Variants in CRYL1 observed in about 807,000 individuals in gnomAD.
CRYL1 encodes crystallin lambda 1.
A neutral mutation model predicts 36.6 loss-of-function variants in CRYL1; 29 were observed. The observed-to-expected ratio is 0.79, with a 90% confidence interval of 0.59 to 1.08. The LOEUF is 1.08. Ranked by LOEUF, CRYL1 falls within the 50% of genes least tolerant of loss-of-function variation. CRYL1 has a pLI of 0.00. For missense variants in CRYL1, 411 were observed against 407.9 expected, an observed-to-expected ratio of 1.01 and a Z score of -0.06; for synonymous variants, 152 against 151.5, an observed-to-expected ratio of 1.00 and a Z score of -0.02.
intron 2 of CRYL1, among the ~76,000 whole-genome samples, chr13:20,507,173 G>A (rs2033808953): frequency 1.3e-5 from 2 of 152,166 alleles, no homozygotes. Context: ...TCTCAGGTAT[G>A]TCTTTATTAG....
chr13:20,497,498 AG>A (rs2033632231), intron 2 of CRYL1, among the ~76,000 whole-genome samples: 1 of 120,912 alleles, frequency 8.3e-6, no homozygotes, highest in Non-Finnish European at 1.8e-5. Context: ...AACTACACAC[AG>A]CACACACCAC....
chr13:20,428,565 C>T (rs2031984656), intron 5 of CRYL1, among the ~76,000 whole-genome samples: 1 of 152,146 alleles, frequency 6.6e-6, no homozygotes, highest in South Asian at 2.1e-4. Context: ...GCTGGTTGAA[C>T]ATGCAAAAGT....
intron 3 of CRYL1, among the ~76,000 whole-genome samples, chr13:20,484,698 C>A (rs2033360451): frequency 6.6e-6 from 1 of 151,990 alleles, no homozygotes; most frequent in African/African-American, 2.4e-5. Context: ...AAATAAAAAC[C>A]ATGATGCAAA....
Position 20,404,161 on chromosome 13 carries a change from C to G in CRYL1, c.928G>C (p.Ala310Pro). ...GGCTGCACTTGACTCTTCAACTTGG[C>G]GAGTCTCATGAGGCACTCGTCCCTC... The part of the protein sequence containing the change: ...QWRDECLMRL[A>P]KLKSQVQPQ Residue 310 changes from alanine to proline, a missense_variant, in exon 8 of 8, where the codon GCC becomes CCC. By Grantham distance (27) the Ala-to-Pro change is conservative (BLOSUM62 -1). Coordinates refer to ENST00000298248, the MANE Select transcript of CRYL1 (RefSeq NM_015974.3). 6.2e-7 allele frequency: 1 copy of G among 1,613,742 alleles called. No homozygotes were observed. Among genetic ancestry groups the G allele is most frequent in the Non-Finnish European group, 8.5e-7 (1 of 1,179,732 alleles).
intron 3 of CRYL1, among the ~76,000 whole-genome samples, chr13:20,472,221 A>G (rs767719086): frequency 6.6e-6 from 1 of 152,052 alleles, no homozygotes; most frequent in Admixed American, 6.6e-5. Context: ...ACATCCTCCT[A>G]TATACTTTAA....
intron 2 of CRYL1, among the ~76,000 whole-genome samples, chr13:20,493,623 G>A (rs1012473037): frequency 6.6e-6 from 1 of 152,120 alleles, no homozygotes; most frequent in African/African-American, 2.4e-5. Flanking sequence ...TCACGCCACT[G>A]CACTCCAGCC....
intron 5 of CRYL1, among the ~76,000 whole-genome samples, chr13:20,424,329 A>C (rs2031887093): frequency 6.6e-6 from 1 of 152,074 alleles, no homozygotes; most frequent in Non-Finnish European, 1.5e-5. Flanking sequence ...CAGCATGTGG[A>C]CTCTGTTGGA....
At position 20,525,814 on chromosome 13, in the gene CRYL1, C is replaced by T. The variant is rs774572461; in HGVS notation, c.-20G>A. 1 of 1,230,240 alleles carries T rather than the reference C, an allele frequency of 8.1e-7. No homozygotes were observed. The highest frequency in any genetic ancestry group is 1.0e-6 in the Non-Finnish European group (1 of 985,660). 76.2% of individuals were successfully genotyped at this position (1,230,240 alleles called of 1,614,324 possible). A position where few individuals can be genotyped will look rare whatever the true frequency, so the allele number is the denominator to read the frequency against. On this transcript the variant is annotated 5_prime_UTR_variant, in exon 1 of 8. Transcript: ENST00000298248. This position sits in a 1 kb window ranked among gnomAD's most constrained non-coding sequence, Gnocchi z 4.3. ...CGCCATGGTTGGGCCGGGGACGCGG[C>T]GCCGCGGGCGCTGGGACCAGGCGCC...
At chr13:20,413,538 C>T (rs71426008) in intron 5 of CRYL1, 151 bp from the exon 6 acceptor site, 14,031 of 568,002 alleles carry the variant, frequency 0.025, 217 homozygotes, top group Middle Eastern at 0.047. Flanking sequence ...ATGCTTATGA[C>T]CAGACATGTT....
At chr13:20,479,912 C>G (rs1342913959) in intron 3 of CRYL1, among the ~76,000 whole-genome samples, 1 of 152,196 alleles carries the variant, frequency 6.6e-6, no homozygotes, top group Non-Finnish European at 1.5e-5. Flanking sequence ...CCACGGCACA[C>G]AGTTCATCAA....
intron 2 of CRYL1, among the ~76,000 whole-genome samples, chr13:20,491,941 G>A (rs565590610): frequency 1.3e-5 from 2 of 152,268 alleles, no homozygotes; most frequent in South Asian, 2.1e-4. Flanking sequence ...ATTTCTAATA[G>A]CTAAATCAAA....
intron 5 of CRYL1, 190 bp downstream of exon 5, chr13:20,431,911 CT>C (rs2032069394): frequency 1.3e-6 from 2 of 1,524,648 alleles, no homozygotes; most frequent in South Asian, 2.4e-5. Flanking sequence ...CAGTGAATCG[CT>C]GCATTTTATT....
At chr13:20,443,192 A>T (rs944450671) in intron 3 of CRYL1, among the ~76,000 whole-genome samples, 9 of 152,296 alleles carry the variant, frequency 5.9e-5, no homozygotes, top group Non-Finnish European at 1.3e-4. Context: ...CTGATGTGGA[A>T]AACTGGCACA....
chr13:20,505,180 A>G (rs2033770135), intron 2 of CRYL1, among the ~76,000 whole-genome samples: 1 of 152,060 alleles, frequency 6.6e-6, no homozygotes, highest in South Asian at 2.1e-4. Context: ...ACATGGCAAA[A>G]CCCCATCTCT....
intron 5 of CRYL1, chr13:20,430,353 C>G: frequency 2.0e-6 from 2 of 985,352 alleles, no homozygotes; most frequent in Non-Finnish European, 2.4e-6. Context: ...CATCTGAGTC[C>G]CACAGCAGCC....
At chr13:20,413,139 T>C (rs1186717576) in intron 6 of CRYL1, 143 bp downstream of exon 6, 10 of 603,296 alleles carry the variant, frequency 1.7e-5, no homozygotes, top group Non-Finnish European at 2.4e-5. Context: ...AATCCCTGCC[T>C]TGTCTGTGAA....
intron 3 of CRYL1, among the ~76,000 whole-genome samples, chr13:20,463,635 C>A (rs1407993532): frequency 6.6e-6 from 1 of 152,100 alleles, no homozygotes; most frequent in Non-Finnish European, 1.5e-5. Flanking sequence ...TCTTCCTGCC[C>A]TTTTTTAAAC....
intron 6 of CRYL1, 94 bp downstream of exon 6, chr13:20,413,188 A>T: frequency 1.3e-6 from 1 of 775,442 alleles, no homozygotes; most frequent in Non-Finnish European, 2.2e-6. Context: ...TACTGTCTCT[A>T]TTCAGTTGTA....
intron 4 of CRYL1, among the ~76,000 whole-genome samples, chr13:20,438,004 G>C (rs2032269910): frequency 6.6e-6 from 1 of 152,150 alleles, no homozygotes; most frequent in African/African-American, 2.4e-5. Flanking sequence ...AGGCACGACA[G>C]GCTTCTCGGG....
Sources: allele counts gnomAD v4.1 joint callset (sites outside exome capture counted in the v4.1 genomes callset), GRCh38; gene constraint gnomAD v4.1.1; non-coding constraint Gnocchi (gnomAD v3.1); transcripts MANE v1.5; gene names NCBI Gene and HGNC (gene_info 2026-07-23, HGNC 2026-07-21).